The following NEDD4 variants were observed in gnomAD, a reference collection of about 807,000 sequenced individuals.
NEDD4 encodes E3 ubiquitin-protein ligase NEDD4.
Under a neutral mutation model 144.9 loss-of-function variants are expected in NEDD4, and 99 were observed. That is an observed-to-expected ratio of 0.68 (90% CI 0.58 to 0.81). The LOEUF (loss-of-function observed/expected upper bound fraction) is 0.81, where lower values mean the gene tolerates loss of function less well. Ranked by LOEUF, NEDD4 falls within the 30% of genes least tolerant of loss-of-function variation. The pLI is 0.00. For synonymous variants in NEDD4, 318 were observed against 350.6 expected, an observed-to-expected ratio of 0.91 and a Z score of 1.04; for missense variants, 985 against 1,065.9, an observed-to-expected ratio of 0.92 and a Z score of 1.06.
In NEDD4 at chr15:55,850,700, C is replaced by T. The variant is rs377295315; in HGVS notation, c.1189G>A (p.Ala397Thr). ...GTGGAGGCTTGTGATTGAGGGCCTG[C>T]AGAACTCTGGCTTGAGGTCAGCTGA... is the stretch of plus-strand genomic sequence containing the variant. ...TSQLTSSQSSAGPQSQASTSD... is the reference protein window; with the variant it reads ...TSQLTSSQSSTGPQSQASTSD... Residue 397 changes from alanine (A) to threonine (T), a missense_variant, in exon 14 of 29, where the codon GCA becomes ACA. Ala to Thr is a moderately conservative substitution (Grantham distance 58, BLOSUM62 0). Transcript: ENST00000435532. 15 of 1,613,820 alleles carry T rather than the reference C, an allele frequency of 9.3e-6. No individual in the cohort carries two copies. Among genetic ancestry groups the T allele is most frequent in the Admixed American group, 1.7e-5 (1 of 59,994 alleles).
chr15:55,843,635 C>A (rs1300731620), intron 18 of NEDD4, among the ~76,000 whole-genome samples: 3 of 152,072 alleles, frequency 2.0e-5, no homozygotes, highest in African/African-American at 7.3e-5. Context: ...GAAAAAAAAT[C>A]AATTTCATTC....
chr15:55,890,084 C>A (rs1012260776), intron 5 of NEDD4, among the ~76,000 whole-genome samples: 2 of 151,890 alleles, frequency 1.3e-5, no homozygotes, highest in African/African-American at 4.8e-5. Context: ...GGATGGATAC[C>A]CCATTTACTC....
At position 55,862,820 on chromosome 15, in the gene NEDD4, A is replaced by G; in HGVS notation, c.674+93T>C. ...ATTCTTATAGTTTATGGATCACTATACTGTTATGAATCCATCTGAGACATG... is the reference window on the plus strand; with the variant it reads ...ATTCTTATAGTTTATGGATCACTATGCTGTTATGAATCCATCTGAGACATG... On this transcript the variant is annotated intron_variant, in intron 9 of 28. Coordinates refer to ENST00000435532, the MANE Select transcript of NEDD4 (RefSeq NM_006154.4). 4 of 1,128,912 alleles carry G rather than the reference A, an allele frequency of 3.5e-6. No homozygotes were observed. In the South Asian group the frequency reaches 8.1e-5, roughly 23 times the overall value. 69.9% of individuals were successfully genotyped at this position (1,128,912 alleles called of 1,614,324 possible). A position where few individuals can be genotyped will look rare whatever the true frequency, so the allele number is the denominator to read the frequency against.
intron 5 of NEDD4, among the ~76,000 whole-genome samples, chr15:55,888,013 A>T (rs148743910): frequency 6.6e-6 from 1 of 152,306 alleles, no homozygotes; most frequent in Non-Finnish European, 1.5e-5. Context: ...TACATGACAG[A>T]CCCATAGTGA....
At chr15:55,957,280 AT>A (rs199539849) in intron 2 of NEDD4, among the ~76,000 whole-genome samples, 12 of 151,562 alleles carry the variant, frequency 7.9e-5, no homozygotes, top group African/African-American at 2.4e-4. Context: ...TGACTGTGTG[AT>A]TTTTTTTTCT....
At chr15:55,905,985 A>T (rs1172552440) in intron 5 of NEDD4, among the ~76,000 whole-genome samples, 1 of 152,214 alleles carries the variant, frequency 6.6e-6, no homozygotes, top group African/African-American at 2.4e-5. Context: ...ATGAACAGAC[A>T]CTTCTCAAAA....
At chr15:55,930,714 TC>T (rs1342196715) in intron 4 of NEDD4, among the ~76,000 whole-genome samples, 5 of 152,278 alleles carry the variant, frequency 3.3e-5, no homozygotes, top group Middle Eastern at 3.4e-3. Context: ...GGGGGTAGTT[TC>T]CCCCATACTG....
chr15:55,938,674 G>A (rs1038404915), intron 4 of NEDD4, among the ~76,000 whole-genome samples: 8 of 151,932 alleles, frequency 5.3e-5, no homozygotes, highest in East Asian at 1.9e-4. Context: ...AAAAGGCACC[G>A]TACAAAATGG....
intron 5 of NEDD4, among the ~76,000 whole-genome samples, chr15:55,899,358 T>C (rs529925242): frequency 6.6e-6 from 1 of 152,378 alleles, no homozygotes; most frequent in African/African-American, 2.4e-5. Flanking sequence ...GATTACCTGG[T>C]TATCTGATCA....
At chr15:55,868,757 C>T (rs1283610716) in intron 8 of NEDD4, among the ~76,000 whole-genome samples, 1 of 152,168 alleles carries the variant, frequency 6.6e-6, no homozygotes, top group Non-Finnish European at 1.5e-5. Context: ...ATAAATGATA[C>T]TTCTTTTTGA....
intron 5 of NEDD4, among the ~76,000 whole-genome samples, chr15:55,914,788 C>T (rs1448109963): frequency 3.3e-5 from 5 of 151,790 alleles, no homozygotes; most frequent in African/African-American, 1.2e-4. Flanking sequence ...ATAAAAAGAT[C>T]TTTACACTTT....
At chr15:55,867,991 G>C (rs1430100692) in intron 8 of NEDD4, among the ~76,000 whole-genome samples, 2 of 151,160 alleles carry the variant, frequency 1.3e-5, no homozygotes, top group Non-Finnish European at 2.9e-5. Context: ...AGGAGGCAGA[G>C]GCTGCAGCGA....
intron 8 of NEDD4, among the ~76,000 whole-genome samples, chr15:55,868,426 A>C (rs2034659599): frequency 6.6e-6 from 1 of 152,232 alleles, no homozygotes. Flanking sequence ...TGTAGCTTCT[A>C]TAATCCCCTC....
intron 27 of NEDD4, among the ~76,000 whole-genome samples, chr15:55,832,523 T>C (rs900810532): frequency 6.6e-6 from 1 of 152,158 alleles, no homozygotes; most frequent in Non-Finnish European, 1.5e-5. Flanking sequence ...CAAGCAATTC[T>C]CCTGCCTCAG....
In NEDD4 at chr15:55,849,255, G is replaced by A. The variant is rs547886135; in HGVS notation, c.1348-369C>T. Among the ~76,000 whole-genome samples the A allele has an allele frequency of 9.2e-5, 14 of 152,122 alleles. No individual in the cohort carries two copies. The South Asian group carries it at 2.1e-3, about 23-fold the overall frequency. On this transcript the variant is annotated intron_variant, in intron 14 of 28. Coordinates refer to ENST00000435532, the MANE Select transcript of NEDD4 (RefSeq NM_006154.4). ...TTCTTTTTTTCTGAGGTGGAGTGTC[G>A]CTCTTGTCGCCCAGGCTGGAGTACA... is the stretch of plus-strand genomic sequence containing the variant.
chr15:55,834,372 C>T (rs1032941605), intron 24 of NEDD4, 86 bp from the exon 25 acceptor site: 18 of 770,250 alleles, frequency 2.3e-5, no homozygotes, highest in Non-Finnish European at 3.7e-5. Context: ...CTGGAGGAAT[C>T]CCACATCCAC....
intron 1 of NEDD4, among the ~76,000 whole-genome samples, chr15:55,988,473 ATAAAAAAAAAAAT>A (rs1444729361): frequency 1.8e-5 from 2 of 113,862 alleles, no homozygotes; most frequent in African/African-American, 3.2e-5. Flanking sequence ...TTAGAGTATA[ATAAAAAAAAAAAT>A]TAAAAAAAAA....
At chr15:55,898,774 T>C (rs2035820105) in intron 5 of NEDD4, among the ~76,000 whole-genome samples, 1 of 151,612 alleles carries the variant, frequency 6.6e-6, no homozygotes, top group Non-Finnish European at 1.5e-5. Flanking sequence ...GCTGGGACTA[T>C]AGGCAAGCGC....
chr15:55,962,127 A>G (rs1175161068), intron 2 of NEDD4, among the ~76,000 whole-genome samples: 1 of 152,106 alleles, frequency 6.6e-6, no homozygotes, highest in Non-Finnish European at 1.5e-5. Context: ...TTTATTCTTT[A>G]TCATCATGAA....
Sources: allele counts gnomAD v4.1 joint callset (sites outside exome capture counted in the v4.1 genomes callset), GRCh38; gene constraint gnomAD v4.1.1; transcripts MANE v1.5; gene names NCBI Gene and HGNC (gene_info 2026-07-23, HGNC 2026-07-21).